The following TBCB variants were observed in gnomAD, a reference collection of about 807,000 sequenced individuals.
TBCB encodes the protein tubulin folding cofactor B.
In TBCB, 18 loss-of-function variants were observed where a neutral mutation model predicts 29.2. That is an observed-to-expected ratio of 0.62 (90% confidence interval 0.43 to 0.91). TBCB has a LOEUF of 0.91. TBCB is among the 40% of genes least tolerant of loss of function. The probability of loss-of-function intolerance (pLI) is 0.00; values close to 1 mark genes in which losing one functional copy is unlikely to be tolerated. For missense variants in TBCB, 336 were observed against 337.6 expected (o/e 1.00, Z 0.04); for synonymous variants, 172 against 137.8 (o/e 1.25, Z -1.74).
chr19:36,119,639 C>A (rs1211292774), intron 2 of TBCB, among the ~76,000 whole-genome samples: 2 of 152,118 alleles, frequency 1.3e-5, no homozygotes, highest in Non-Finnish European at 2.9e-5. Context: ...TGTAATCCCA[C>A]CCAGTACATT....
chr19:36,119,946 T>C (rs1229030902), intron 2 of TBCB, among the ~76,000 whole-genome samples: 1 of 149,798 alleles, frequency 6.7e-6, no homozygotes, highest in Admixed American at 6.7e-5. Flanking sequence ...TCTTCCACTC[T>C]CCCTCTGGCT....
chr19:36,115,714 G>T (rs907648925), intron 1 of TBCB, 40 bp downstream of exon 1: 1 of 671,724 alleles, frequency 1.5e-6, no homozygotes, highest in Non-Finnish European at 2.1e-6. Flanking sequence ...GCGGGGCGAA[G>T]AAATTGGGGG....
At chr19:36,115,408 G>A (rs1430264428), upstream of TBCB, 3 of 619,244 alleles carry the variant, frequency 4.8e-6, no homozygotes, top group East Asian at 5.9e-5. Flanking sequence ...GGACGGCGGC[G>A]ATTGGCGGAC....
intron 4 of TBCB, 179 bp downstream of exon 4, chr19:36,121,897 GTGTT>G (rs1974060768): frequency 1.1e-5 from 9 of 837,924 alleles, no homozygotes; most frequent in Non-Finnish European, 1.7e-5. Flanking sequence ...ACGGCCCAGA[GTGTT>G]TGTGGAGGGA....
chr19:36,119,414 A>G (rs1304712361), intron 2 of TBCB, among the ~76,000 whole-genome samples: 1 of 152,014 alleles, frequency 6.6e-6, no homozygotes, highest in Non-Finnish European at 1.5e-5. Flanking sequence ...GGCTCCACCT[A>G]CAAAAACTTC....
chr19:36,120,915 C>A, intron 3 of TBCB, 109 bp downstream of exon 3: 2 of 950,778 alleles, frequency 2.1e-6, no homozygotes, highest in Non-Finnish European at 3.2e-6. Context: ...GTGGTGTAGA[C>A]GGGGGGCCGA....
At chr19:36,122,783 G>A (rs1974077867) in intron 4 of TBCB, among the ~76,000 whole-genome samples, 1 of 151,744 alleles carries the variant, frequency 6.6e-6, no homozygotes, top group Non-Finnish European at 1.5e-5. Flanking sequence ...AGATACACGG[G>A]GTACATATAT....
At chr19:36,115,260 T>A, upstream of TBCB, 1 of 529,354 alleles carries the variant, frequency 1.9e-6, no homozygotes, top group Non-Finnish European at 3.3e-6. Context: ...CACTCCTACC[T>A]CCGGGCTTCA....
chr19:36,120,442 G>A, intron 2 of TBCB: 2 of 477,918 alleles, frequency 4.2e-6, no homozygotes, highest in South Asian at 2.2e-5. Context: ...TGACTTTGGG[G>A]CCCTTGGCGA....
intron 2 of TBCB, 118 bp from the exon 3 acceptor site, chr19:36,120,592 G>A (rs1368903348): frequency 2.5e-6 from 2 of 796,400 alleles, no homozygotes; most frequent in Non-Finnish European, 2.1e-6. Flanking sequence ...GAAGGCTGCA[G>A]TACAGGCGAG....
At chr19:36,115,006 C>G (rs1051608372), upstream of TBCB, 2 of 731,578 alleles carry the variant, frequency 2.7e-6, no homozygotes, top group East Asian at 2.6e-5. Flanking sequence ...GCTCGGCTCT[C>G]TCCGCGCAGA....
intron 4 of TBCB, 31 bp downstream of exon 4, chr19:36,121,749 C>G: frequency 6.5e-7 from 1 of 1,548,266 alleles, no homozygotes; most frequent in Non-Finnish European, 8.7e-7. Flanking sequence ...GTCCCGGGCT[C>G]CAGGGCTCCA....
At chr19:36,120,592 G>C in intron 2 of TBCB, 118 bp from the exon 3 acceptor site, 5 of 796,516 alleles carry the variant, frequency 6.3e-6, no homozygotes, top group Admixed American at 2.2e-5. Context: ...GAAGGCTGCA[G>C]TACAGGCGAG....
At chr19:36,115,913 G>A (rs1599861946) in intron 1 of TBCB, 128 bp from the exon 2 acceptor site, 6 of 1,390,052 alleles carry the variant, frequency 4.3e-6, no homozygotes, top group African/African-American at 4.3e-5. Context: ...GAGGCGAGGG[G>A]CTGGATTGCG....
At chr19:36,121,949 G>A (rs909685700) in intron 4 of TBCB, 3 of 619,460 alleles carry the variant, frequency 4.8e-6, no homozygotes, top group Middle Eastern at 4.4e-4. Context: ...TCCAGCGAGG[G>A]AGGAAGCAGA....
chr19:36,116,216 C>T (rs774219158), intron 2 of TBCB, 32 bp downstream of exon 2: 3 of 1,606,284 alleles, frequency 1.9e-6, no homozygotes, highest in Non-Finnish European at 2.6e-6. Context: ...CACTCCCCCA[C>T]CCCACCTTTC....
chr19:36,121,641 G>GCTCCAT lies in TBCB; in HGVS notation c.472_477dup (p.Ser158_Ile159dup). ...CTGGCCGAGGAGAAGGCCCAGGCCA[G>GCTCCAT]CTCCATCCCCGTGGGCAGCCGCTGT... On this transcript the variant is annotated inframe_insertion, in exon 4 of 6. Coordinates refer to ENST00000221855, the MANE Select transcript of TBCB (RefSeq NM_001281.3). 1 of 1,559,014 alleles carries GCTCCAT rather than the reference G, an allele frequency of 6.4e-7. No homozygotes were observed. The highest frequency in any genetic ancestry group is 1.9e-5 in the Admixed American group (1 of 52,098).
intron 2 of TBCB, chr19:36,118,713 A>T (rs1211561539): frequency 6.7e-6 from 1 of 148,440 alleles, no homozygotes; most frequent in African/African-American, 2.5e-5. Flanking sequence ...TTAACTGAAG[A>T]TGGGGAAGGG....
chr19:36,120,754 G>C lies in TBCB; in HGVS notation c.303G>C (p.Val101=). The change falls in exon 3 of 6, where the codon GTG becomes GTC. Residue 101 remains valine (V), a synonymous_variant. Transcript: ENST00000221855. ...SGARLGEYED[V]SRVEKYTISQ... is the part of the protein sequence containing the mutation. ...CCCGCCTTGGTGAGTATGAGGACGT[G>C]TCCCGGGTGGAGAAGTACACGATCT... 1 of 1,614,062 alleles carries C rather than the reference G, an allele frequency of 6.2e-7. No homozygotes were observed.
Sources: gnomAD v4.1 joint callset for allele counts (sites outside exome capture counted in the v4.1 genomes callset) on GRCh38, gnomAD v4.1.1 for gene constraint, MANE v1.5 for transcripts, NCBI Gene and HGNC (gene_info 2026-07-23, HGNC 2026-07-21) for gene names.